The following TENM4 variants were observed in gnomAD, a reference collection of about 807,000 sequenced individuals.
TENM4 encodes teneurin-4.
TENM4 carries 82 observed loss-of-function variants against 243.3 expected under a neutral mutation model. The ratio of observed to expected loss-of-function variants is 0.34; its 90% confidence interval spans 0.28 to 0.40. TENM4 has a LOEUF of 0.40. TENM4 is among the 10% of genes least tolerant of loss of function. The pLI is 1.00. For synonymous variants in TENM4, 1,412 were observed against 1,456.3 expected (o/e 0.97, Z 0.69); for missense variants, 3,138 against 3,673.3 (o/e 0.85, Z 3.77).
chr11:79,312,262 A>C (rs1171932345), intron 1 of TENM4, among the ~76,000 whole-genome samples: 1 of 152,166 alleles, frequency 6.6e-6, no homozygotes, highest in African/African-American at 2.4e-5. Context: ...GGAACGGACT[A>C]TGTCTGCTCA....
intron 2 of TENM4, among the ~76,000 whole-genome samples, chr11:79,249,934 T>C (rs990269680): frequency 5.9e-5 from 9 of 152,218 alleles, no homozygotes; most frequent in Non-Finnish European, 1.0e-4. Flanking sequence ...TTACGTAAAC[T>C]TTTATTGTGC....
At chr11:79,408,094 T>C (rs977340730) in intron 1 of TENM4, among the ~76,000 whole-genome samples, 2 of 152,148 alleles carry the variant, frequency 1.3e-5, no homozygotes, top group African/African-American at 2.4e-5. Context: ...AGTACAGACA[T>C]GGTTTCATCA....
At chr11:78,845,156 A>T (rs1858360534) in intron 12 of TENM4, among the ~76,000 whole-genome samples, 1 of 152,184 alleles carries the variant, frequency 6.6e-6, no homozygotes, top group African/African-American at 2.4e-5. Context: ...ATTATTTATG[A>T]AAGGGTTGGT....
At chr11:79,033,154 CA>C (rs1226866060) in intron 6 of TENM4, among the ~76,000 whole-genome samples, 8 of 152,046 alleles carry the variant, frequency 5.3e-5, no homozygotes, top group Non-Finnish European at 2.9e-5. Flanking sequence ...GCAAAGACCC[CA>C]ATATGTAATG....
rs1021227915 is a variant in TENM4, at chr11:79,294,590, T to C, written c.-265+2898A>G. ...GGGGCCAGGCGCGGTGGCTTGTGCC[T>C]GTAATCCCAGCACTTTGGGAGGATG... On this transcript the variant is annotated intron_variant, in intron 2 of 33. Transcript: ENST00000278550. Among the ~76,000 whole-genome samples the C allele has an allele frequency of 2.0e-5, 3 of 151,588 alleles. No individual in the cohort carries two copies. The East Asian group carries it at 5.8e-4, about 29-fold the overall frequency.
Position 79,142,918 on chromosome 11 carries a change from G to GA in TENM4, c.-66+5791dup, listed in dbSNP as rs1302569990. ...TCTTCAGTAAATGGTGCTGGGACATGAAAAAAATGCTCATCATCACTGGCC... is the reference window on the plus strand; with the variant it reads ...TCTTCAGTAAATGGTGCTGGGACATGAAAAAAAATGCTCATCATCACTGGCC... On this transcript the variant is annotated intron_variant, in intron 4 of 33. Transcript: ENST00000278550. Among the ~76,000 whole-genome samples, 6 of 151,786 alleles carry GA rather than the reference G, an allele frequency of 4.0e-5. No individual in the cohort carries two copies. In the East Asian group the frequency reaches 1.2e-3, roughly 29 times the overall value.
At chr11:79,100,875 G>C (rs1045563625) in intron 4 of TENM4, among the ~76,000 whole-genome samples, 9 of 152,332 alleles carry the variant, frequency 5.9e-5, no homozygotes, top group Non-Finnish European at 1.2e-4. Flanking sequence ...AAAGGAGTCT[G>C]CCTGTGTCCT....
chr11:79,159,310 A>C (rs1170596790), intron 3 of TENM4, among the ~76,000 whole-genome samples: 2 of 152,230 alleles, frequency 1.3e-5, no homozygotes, highest in Non-Finnish European at 2.9e-5. Flanking sequence ...CACCACAGGG[A>C]ATAACAGTTG....
intron 29 of TENM4, among the ~76,000 whole-genome samples, chr11:78,683,693 G>C (rs1458583040): frequency 6.7e-6 from 1 of 148,194 alleles, no homozygotes; most frequent in African/African-American, 2.5e-5. Context: ...TCCCTAGTGA[G>C]ATGAACCCGG....
chr11:78,824,711 C>T (rs1423049460), intron 12 of TENM4, among the ~76,000 whole-genome samples: 1 of 152,004 alleles, frequency 6.6e-6, no homozygotes, highest in African/African-American at 2.4e-5. Context: ...CCAATGTTGC[C>T]CAGGCTAGTC....
intron 6 of TENM4, among the ~76,000 whole-genome samples, chr11:78,958,888 T>A (rs1348738672): frequency 1.3e-5 from 2 of 152,252 alleles, no homozygotes; most frequent in Non-Finnish European, 2.9e-5. Flanking sequence ...GGTCTCAAAT[T>A]GGTGGAAGGA....
chr11:79,404,387 G>A (rs972049110), intron 1 of TENM4, among the ~76,000 whole-genome samples: 4 of 152,314 alleles, frequency 2.6e-5, no homozygotes, highest in African/African-American at 9.6e-5. Flanking sequence ...ATGTGTGGCT[G>A]CAGAGAAATT....
rs1857859477 is a variant in TENM4, at chr11:78,655,079, C to G, written c.*2979G>C. The G allele has an allele frequency of 1.3e-5, 2 of 152,202 alleles. No homozygotes were observed. Among genetic ancestry groups the G allele is most frequent in the Non-Finnish European group, 2.9e-5 (2 of 68,092 alleles). 9.4% of individuals were successfully genotyped at this position (152,202 alleles called of 1,614,324 possible). Reference sequence around the variant, plus strand: ...CGATGCTTGGAGCCTATTACATAGGCACAGGGTTAGGCCTTCACACTCACC... The same window carrying G: ...CGATGCTTGGAGCCTATTACATAGGGACAGGGTTAGGCCTTCACACTCACC... On this transcript the variant is annotated 3_prime_UTR_variant, in exon 34 of 34. Transcript: ENST00000278550.
intron 3 of TENM4, among the ~76,000 whole-genome samples, chr11:79,176,077 G>A (rs1216473965): frequency 6.6e-6 from 1 of 152,134 alleles, no homozygotes; most frequent in Non-Finnish European, 1.5e-5. Flanking sequence ...GGGTGACAGA[G>A]GAAGACCCTG....
intron 1 of TENM4, among the ~76,000 whole-genome samples, chr11:79,435,012 G>A (rs915219728): frequency 6.6e-6 from 1 of 152,122 alleles, no homozygotes; most frequent in Non-Finnish European, 1.5e-5. Context: ...AAATGTCACC[G>A]TAGGAGGAAA....
At chr11:79,149,928 C>T (rs1202894216) in intron 3 of TENM4, among the ~76,000 whole-genome samples, 1 of 152,162 alleles carries the variant, frequency 6.6e-6, no homozygotes, top group Non-Finnish European at 1.5e-5. Flanking sequence ...ATGCCCTACA[C>T]TGATAAAGTA....
intron 1 of TENM4, among the ~76,000 whole-genome samples, chr11:79,314,854 C>A (rs1048743350): frequency 2.0e-5 from 3 of 152,174 alleles, no homozygotes; most frequent in Non-Finnish European, 4.4e-5. Context: ...TGGCTCCATA[C>A]CCAGAAACTC....
intron 9 of TENM4, among the ~76,000 whole-genome samples, chr11:78,887,270 C>T (rs1350089987): frequency 6.6e-6 from 1 of 152,240 alleles, no homozygotes. Flanking sequence ...TTGAAATACC[C>T]TTTCTGTATG....
chr11:78,891,156 G>A, intron 8 of TENM4, 82 bp downstream of exon 8: 2 of 1,318,982 alleles, frequency 1.5e-6, no homozygotes, highest in South Asian at 2.6e-5. Flanking sequence ...GAAGATCCCA[G>A]GGAAAGGTCT....
Sources: allele counts gnomAD v4.1 joint callset (sites outside exome capture counted in the v4.1 genomes callset), GRCh38; gene constraint gnomAD v4.1.1; transcripts MANE v1.5; gene names NCBI Gene and HGNC (gene_info 2026-07-23, HGNC 2026-07-21).